COL9A1: variants seen among roughly 807,000 people sequenced by gnomAD.
The protein encoded by COL9A1 is collagen type IX alpha 1 chain.
COL9A1 carries 104 observed loss-of-function variants against 142.6 expected under a neutral mutation model. The ratio of observed to expected loss-of-function variants is 0.73; its 90% CI spans 0.62 to 0.86. The LOEUF (loss-of-function observed/expected upper bound fraction) is 0.86, where lower values mean the gene tolerates loss of function less well. COL9A1 is among the 40% of genes least tolerant of loss of function. The probability of loss-of-function intolerance (pLI) is 0.00; values close to 1 mark genes in which losing one functional copy is unlikely to be tolerated. For synonymous variants in COL9A1, 466 were observed against 396.0 expected (o/e 1.18, Z -2.10); for missense variants, 1,210 against 1,176.6 (o/e 1.03, Z -0.42).
intron 4 of COL9A1, among the ~76,000 whole-genome samples, chr6:70,298,607 C>T (rs1047411142): frequency 3.9e-5 from 6 of 152,038 alleles, no homozygotes; most frequent in Admixed American, 6.6e-5. Context: ...TAGACAACAA[C>T]GAAGATGAGC....
chr6:70,237,066 G>T (rs1403792454), intron 33 of COL9A1, among the ~76,000 whole-genome samples: 1 of 152,128 alleles, frequency 6.6e-6, no homozygotes, highest in East Asian at 1.9e-4. Context: ...TGGATGATCT[G>T]CCCACCTCGG....
chr6:70,224,396 T>C (rs1769094540), intron 37 of COL9A1, among the ~76,000 whole-genome samples: 1 of 152,084 alleles, frequency 6.6e-6, no homozygotes, highest in Non-Finnish European at 1.5e-5. Flanking sequence ...AATCTTCTCA[T>C]CTTTACATTT....
At chr6:70,300,721 C>A (rs1476926838) in intron 2 of COL9A1, among the ~76,000 whole-genome samples, 1 of 152,144 alleles carries the variant, frequency 6.6e-6, no homozygotes, top group African/African-American at 2.4e-5. Flanking sequence ...AGAGGTTAGG[C>A]ATTTGTTCCT....
chr6:70,296,288 G>A lies in COL9A1; in HGVS notation c.300-1725C>T, dbSNP rs73747749. ...GTAATATGACTGGTTTGTATTTAGG[G>A]TATGGGATGAATTATTTTATCCATA... On this transcript the variant is annotated intron_variant, in intron 4 of 37. Transcript: ENST00000357250. 9.4e-3 allele frequency among the ~76,000 whole-genome samples: 1,436 copies of A among 152,024 alleles called. 17 individuals carry two copies. Among genetic ancestry groups the A allele is most frequent in the African/African-American group, 0.033 (1,351 of 41,492 alleles).
chr6:70,249,767 G>C (rs1770817721), intron 28 of COL9A1, among the ~76,000 whole-genome samples: 1 of 151,238 alleles, frequency 6.6e-6, no homozygotes, highest in Admixed American at 6.6e-5. Flanking sequence ...TCACATAAGA[G>C]AATCAACCCC....
At chr6:70,293,674 C>T (rs1472420212) in intron 5 of COL9A1, among the ~76,000 whole-genome samples, 1 of 139,322 alleles carries the variant, frequency 7.2e-6, no homozygotes, top group Non-Finnish European at 1.6e-5. Context: ...CACACACACA[C>T]ATTTTCATAT....
chr6:70,263,592 G>C (rs1347244729), intron 18 of COL9A1, among the ~76,000 whole-genome samples: 1 of 151,860 alleles, frequency 6.6e-6, no homozygotes, highest in Non-Finnish European at 1.5e-5. Context: ...GAGGAAGAGA[G>C]ACAAAGATAT....
intron 5 of COL9A1, 112 bp from the exon 6 acceptor site, chr6:70,283,932 C>G (rs958339805): frequency 1.1e-5 from 9 of 802,152 alleles, no homozygotes; most frequent in Admixed American, 4.0e-5. Flanking sequence ...TCAACTTGAA[C>G]TGGTTGAGCA....
intron 2 of COL9A1, 43 bp downstream of exon 2, chr6:70,301,958 G>A: frequency 6.7e-7 from 1 of 1,484,784 alleles, no homozygotes; most frequent in Non-Finnish European, 9.3e-7. Context: ...GATCATTTCT[G>A]GGAATAAGTG....
At chr6:70,242,803 GT>G in intron 28 of COL9A1, 88 bp from the exon 29 acceptor site, 2 of 1,333,252 alleles carry the variant, frequency 1.5e-6, no homozygotes, top group South Asian at 1.2e-5. Flanking sequence ...TCCTACCTAG[GT>G]TTTTTTCCTT....
intron 5 of COL9A1, among the ~76,000 whole-genome samples, chr6:70,293,056 C>T (rs1430210491): frequency 6.6e-6 from 1 of 152,182 alleles, no homozygotes; most frequent in Non-Finnish European, 1.5e-5. Flanking sequence ...TTGAACAATT[C>T]CATTACTGAA....
rs1772406844 is a variant in COL9A1, at chr6:70,271,638, T to C, written c.1143+17A>G. On this transcript the variant is annotated intron_variant, in intron 14 of 37. Transcript: ENST00000357250. ...TTAAATCAGCAAACGTCTATCAAAG[T>C]GCACTGTGGTACTCACAACAGGTCC... 6.2e-7 allele frequency: 1 copy of C among 1,611,220 alleles called. No individual in the cohort carries two copies. Among genetic ancestry groups the C allele is most frequent in the South Asian group, 1.1e-5 (1 of 91,024 alleles).
intron 19 of COL9A1, among the ~76,000 whole-genome samples, chr6:70,261,950 G>A (rs112067478): frequency 6.6e-6 from 1 of 151,870 alleles, no homozygotes; most frequent in Non-Finnish European, 1.5e-5. Flanking sequence ...TTTTAAATTT[G>A]GCATACCTAT....
chr6:70,276,763 G>A (rs1583316201), intron 10 of COL9A1, among the ~76,000 whole-genome samples: 1 of 152,138 alleles, frequency 6.6e-6, no homozygotes, highest in African/African-American at 2.4e-5. Flanking sequence ...CCTTCCAGGT[G>A]GCAGGATATT....
At position 70,232,584 on chromosome 6, in the gene COL9A1, T is replaced by G; in HGVS notation, c.2502A>C (p.Lys834Asn). The G allele has an allele frequency of 6.2e-7, 1 of 1,613,804 alleles. No homozygotes were observed. Among genetic ancestry groups the G allele is most frequent in the Non-Finnish European group, 8.5e-7 (1 of 1,180,002 alleles). ...TTCCACATGGGCAAGATGACTTACC[T>G]TTAGGTCCCCTCAAACCAAGAGCAC... Reference protein sequence around the residue: ...PPGALGLRGPKGDLGEKGERG... With the variant: ...PPGALGLRGPNGDLGEKGERG... Residue 834 changes from lysine (K) to asparagine (N), a missense_variant and splice_region_variant, in exon 36 of 38, where the codon AAA becomes AAC. Lys to Asn is a moderately conservative substitution (Grantham distance 94, BLOSUM62 0). Transcript: ENST00000357250.
intron 35 of COL9A1, among the ~76,000 whole-genome samples, chr6:70,233,090 G>A (rs866809778): frequency 5.9e-5 from 9 of 152,114 alleles, no homozygotes; most frequent in South Asian, 2.1e-4. Flanking sequence ...ACGATGTTCT[G>A]GAAGGATGTC....
intron 10 of COL9A1, chr6:70,280,592 G>T: frequency 7.5e-7 from 1 of 1,325,320 alleles, no homozygotes; most frequent in South Asian, 1.5e-5. Flanking sequence ...AGGAGGAAAT[G>T]CCAACGCCTC....
chr6:70,239,115 G>A, intron 33 of COL9A1, 139 bp downstream of exon 33: 1 of 624,584 alleles, frequency 1.6e-6, no homozygotes, highest in South Asian at 2.0e-5. Flanking sequence ...TTCACGCCTG[G>A]GCGACAGAGT....
At chr6:70,222,310 T>G (rs1768931982) in intron 37 of COL9A1, among the ~76,000 whole-genome samples, 1 of 152,200 alleles carries the variant, frequency 6.6e-6, no homozygotes, top group East Asian at 1.9e-4. Context: ...AAGGTAGGCA[T>G]AGTGATTCCC....
Sources: gnomAD v4.1 joint callset for allele counts (sites outside exome capture counted in the v4.1 genomes callset) on GRCh38, gnomAD v4.1.1 for gene constraint, MANE v1.5 for transcripts, NCBI Gene and HGNC (gene_info 2026-07-23, HGNC 2026-07-21) for gene names.